TANC2: variants seen among roughly 807,000 people sequenced by gnomAD.
TANC2 encodes the protein protein TANC2.
Under a neutral mutation model 210.5 loss-of-function variants are expected in TANC2, and 26 were observed. The ratio of observed to expected loss-of-function variants is 0.12; its 90% confidence interval spans 0.09 to 0.17. TANC2 has a LOEUF of 0.17. TANC2 is among the 10% of genes least tolerant of loss of function. TANC2 has a pLI of 1.00. For synonymous variants in TANC2, 931 were observed against 967.1 expected (o/e 0.96, Z 0.69); for missense variants, 2,129 against 2,608.9 (o/e 0.82, Z 4.01).
intron 15 of TANC2, among the ~76,000 whole-genome samples, chr17:63,383,151 A>G (rs1279903846): frequency 1.2e-4 from 18 of 152,184 alleles, no homozygotes. Context: ...CCTATTATTA[A>G]CATCTTGTAC....
chr17:63,162,503 T>C (rs997141503), intron 5 of TANC2, among the ~76,000 whole-genome samples: 2 of 152,168 alleles, frequency 1.3e-5, no homozygotes, highest in Admixed American at 6.5e-5. Context: ...ACTAGAATGC[T>C]GTGCTCTGGT....
chr17:63,114,351 ATCCTTTAGAGTT>A (rs2038171681), intron 4 of TANC2, among the ~76,000 whole-genome samples: 1 of 152,220 alleles, frequency 6.6e-6, no homozygotes, highest in Non-Finnish European at 1.5e-5. Context: ...CTGCCAGTTT[ATCCTTTAGAGTT>A]GTAACTATTT....
intron 1 of TANC2, among the ~76,000 whole-genome samples, chr17:63,001,530 C>CTTTTTTTTTTTTT (rs534398376): frequency 7.1e-6 from 1 of 140,140 alleles, no homozygotes. Context: ...CTTTTCTTTT[C>CTTTTTTTTTTTTT]TTTTTTTTTT....
chr17:63,124,875 G>A (rs111607116), intron 4 of TANC2, among the ~76,000 whole-genome samples: 2 of 152,084 alleles, frequency 1.3e-5, no homozygotes, highest in Admixed American at 6.6e-5. Flanking sequence ...AGACTCTAAC[G>A]CCTGATGATC....
chr17:63,120,729 G>A (rs1159299619), intron 4 of TANC2: 2 of 142,640 alleles, frequency 1.4e-5, no homozygotes, highest in Middle Eastern at 3.5e-3. Context: ...TAGGAGAATC[G>A]CCTGAGGCTG....
intron 4 of TANC2, among the ~76,000 whole-genome samples, chr17:63,127,807 C>A (rs2038765001): frequency 6.6e-6 from 1 of 152,202 alleles, no homozygotes; most frequent in Non-Finnish European, 1.5e-5. Flanking sequence ...ATGCCCTGCA[C>A]ACTGTGAGCT....
intron 8 of TANC2, among the ~76,000 whole-genome samples, chr17:63,252,744 AG>A (rs1178511986): frequency 2.6e-5 from 4 of 152,126 alleles, no homozygotes; most frequent in African/African-American, 9.7e-5. Context: ...ATGTCTGAAT[AG>A]TACTTCATTG....
chr17:63,066,592 C>T (rs2144591031), intron 2 of TANC2, among the ~76,000 whole-genome samples: 1 of 152,200 alleles, frequency 6.6e-6, no homozygotes, highest in African/African-American at 2.4e-5. Context: ...CACCCCTTTC[C>T]TGTTGTTTTA....
intron 2 of TANC2, among the ~76,000 whole-genome samples, chr17:63,012,200 T>C (rs1014458518): frequency 7.2e-5 from 11 of 151,916 alleles, no homozygotes; most frequent in Admixed American, 2.0e-4. Flanking sequence ...TTTAAATTTT[T>C]TGTAGAGATG....
intron 12 of TANC2, among the ~76,000 whole-genome samples, chr17:63,350,901 A>G (rs2046585924): frequency 6.6e-6 from 1 of 150,596 alleles, no homozygotes; most frequent in African/African-American, 2.4e-5. Context: ...AAAACAGAAC[A>G]TGTTCTACTC....
chr17:62,982,060 T>G (rs2032331317), intron 1 of TANC2, among the ~76,000 whole-genome samples: 1 of 147,422 alleles, frequency 6.8e-6, no homozygotes, highest in African/African-American at 2.4e-5. Context: ...TGGCCGCTGA[T>G]GGAAGTAAGT....
At chr17:63,004,320 A>G (rs2033515640) in intron 1 of TANC2, among the ~76,000 whole-genome samples, 1 of 152,184 alleles carries the variant, frequency 6.6e-6, no homozygotes, top group South Asian at 2.1e-4. Context: ...GTTTGGGCCT[A>G]AGGAGTTAAG....
At chr17:63,055,884 C>A (rs1235034037) in intron 2 of TANC2, among the ~76,000 whole-genome samples, 1 of 143,646 alleles carries the variant, frequency 7.0e-6, no homozygotes. Flanking sequence ...GTGCTTACGC[C>A]TGGGAGACCA....
At chr17:63,277,027 G>A (rs2043898301) in intron 9 of TANC2, among the ~76,000 whole-genome samples, 2 of 152,264 alleles carry the variant, frequency 1.3e-5, no homozygotes, top group South Asian at 4.1e-4. Context: ...TGTGGTCAGA[G>A]AGGATACTTG....
intron 2 of TANC2, among the ~76,000 whole-genome samples, chr17:63,054,267 T>C (rs1007756177): frequency 6.6e-6 from 1 of 152,216 alleles, no homozygotes; most frequent in Admixed American, 6.5e-5. Context: ...CTACCCCAAA[T>C]AGAAGAGCTG....
intron 3 of TANC2, among the ~76,000 whole-genome samples, chr17:63,081,256 T>C (rs1266596811): frequency 6.6e-6 from 1 of 152,006 alleles, no homozygotes. Context: ...CAATAATTCA[T>C]TATTATTTAG....
chr17:63,101,363 T>C (rs2037614068), intron 4 of TANC2, among the ~76,000 whole-genome samples: 1 of 152,180 alleles, frequency 6.6e-6, no homozygotes, highest in African/African-American at 2.4e-5. Context: ...CTACACTTAG[T>C]AATTTCTCCA....
intron 8 of TANC2, among the ~76,000 whole-genome samples, chr17:63,244,503 A>G (rs2042862540): frequency 6.6e-6 from 1 of 152,136 alleles, no homozygotes; most frequent in South Asian, 2.1e-4. Context: ...GTTTGCCCCC[A>G]TTTTAATTTT....
At chr17:63,367,710 A>G (rs1222043286) in intron 14 of TANC2, among the ~76,000 whole-genome samples, 1 of 152,234 alleles carries the variant, frequency 6.6e-6, no homozygotes, top group East Asian at 1.9e-4. Flanking sequence ...AATGGCAGTA[A>G]CAGAAACAAG....
Sources: allele counts gnomAD v4.1 joint callset (sites outside exome capture counted in the v4.1 genomes callset), GRCh38; gene constraint gnomAD v4.1.1; transcripts MANE v1.5; gene names NCBI Gene and HGNC (gene_info 2026-07-23, HGNC 2026-07-21).